The following ATRNL1 variants were observed in gnomAD, a reference collection of about 807,000 sequenced individuals.
The protein encoded by ATRNL1 is attractin like 1, also known as attractin-like protein 1.
Under a neutral mutation model 182.7 loss-of-function variants are expected in ATRNL1, and 95 were observed. The observed-to-expected ratio is 0.52, with a 90% CI of 0.44 to 0.62. The LOEUF is 0.62. Among genes scored for constraint, ATRNL1 ranks in the 20% least tolerant of loss-of-function variants. The pLI is 0.00. For synonymous variants in ATRNL1, 576 were observed against 568.3 expected, an observed-to-expected ratio of 1.01 and a Z score of -0.19; for missense variants, 1,471 against 1,679.5, an observed-to-expected ratio of 0.88 and a Z score of 2.17.
chr10:115,364,658 G>C (rs1221812382), intron 19 of ATRNL1, among the ~76,000 whole-genome samples: 18 of 151,126 alleles, frequency 1.2e-4, no homozygotes, highest in Middle Eastern at 3.4e-3. Context: ...CTGTGGGTTT[G>C]TCATAGATAG....
intron 10 of ATRNL1, among the ~76,000 whole-genome samples, chr10:115,260,918 A>G (rs1358496903): frequency 6.6e-6 from 1 of 152,114 alleles, no homozygotes; most frequent in Non-Finnish European, 1.5e-5. Flanking sequence ...TGAAAAAGCA[A>G]AGAACATAAC....
chr10:115,255,567 A>G (rs575007858), intron 10 of ATRNL1, among the ~76,000 whole-genome samples: 1 of 152,296 alleles, frequency 6.6e-6, no homozygotes, highest in East Asian at 1.9e-4. Flanking sequence ...TAAATATGCA[A>G]TCATGTCATC....
chr10:115,547,140 A>C (rs1852703765), intron 25 of ATRNL1, among the ~76,000 whole-genome samples: 1 of 151,860 alleles, frequency 6.6e-6, no homozygotes, highest in Non-Finnish European at 1.5e-5. Context: ...CTGTAATCCT[A>C]GCTACTCAGG....
intron 9 of ATRNL1, among the ~76,000 whole-genome samples, chr10:115,225,061 G>C (rs782231251): frequency 7.2e-5 from 11 of 152,000 alleles, no homozygotes; most frequent in Non-Finnish European, 1.3e-4. Flanking sequence ...ATATGAAAAG[G>C]ATGTTACAGG....
At chr10:115,462,340 G>A (rs113707384) in intron 22 of ATRNL1, among the ~76,000 whole-genome samples, 5,455 of 152,132 alleles carry the variant, frequency 0.036, 292 homozygotes, top group African/African-American at 0.12. Context: ...TCGTTCGGGC[G>A]CAGTGGCTCA....
intron 19 of ATRNL1, among the ~76,000 whole-genome samples, chr10:115,341,126 G>A (rs530232351): frequency 1.3e-5 from 2 of 151,752 alleles, no homozygotes; most frequent in South Asian, 4.2e-4. Flanking sequence ...ATTATTTGAA[G>A]CTTTTCCTCT....
chr10:115,529,957 G>A (rs117309371), intron 25 of ATRNL1, among the ~76,000 whole-genome samples: 3,682 of 152,092 alleles, frequency 0.024, 62 homozygotes, highest in Non-Finnish European at 0.036. Flanking sequence ...GCCTATTCTG[G>A]ACATCTTATA....
chr10:115,499,941 T>C (rs917913909), intron 24 of ATRNL1, among the ~76,000 whole-genome samples: 4 of 152,204 alleles, frequency 2.6e-5, no homozygotes, highest in Non-Finnish European at 4.4e-5. Flanking sequence ...AATAAGTTTC[T>C]GGTCTCAGGT....
chr10:115,883,992 A>G (rs1006880848), intron 28 of ATRNL1, among the ~76,000 whole-genome samples: 2 of 152,356 alleles, frequency 1.3e-5, no homozygotes, highest in East Asian at 1.9e-4. Flanking sequence ...TTCAGTAAGT[A>G]AAATTCCAGG....
At chr10:115,109,431 A>G (rs115106664) in intron 1 of ATRNL1, among the ~76,000 whole-genome samples, 2,785 of 152,272 alleles carry the variant, frequency 0.018, 102 homozygotes, top group African/African-American at 0.064. Flanking sequence ...CAGAAGAGCA[A>G]AGAGAGGGTG....
In ATRNL1 at chr10:115,281,380, A is replaced by C. The variant is rs782208001; in HGVS notation, c.2126A>C (p.His709Pro). Residue 709 changes from histidine to proline, a missense_variant, in exon 14 of 29, where the codon CAT (histidine) becomes CCT (proline). Physicochemically the swap from His to Pro is moderately conservative, Grantham distance 77 (BLOSUM62 -2). Transcript: ENST00000355044. ...SMSVKNYTKC[H>P]VRNEQICNKL... ...TCTGTCAAGAACTACACCAAATGTC[A>C]TGTGAGAAATGAGCAGATTTGTAAC... 9 of 1,612,974 alleles carry C rather than the reference A, an allele frequency of 5.6e-6. No homozygotes were observed. The African/African-American group carries it at 1.2e-4, about 22-fold the overall frequency.
Position 115,583,512 on chromosome 10 carries a change from A to G in ATRNL1, c.3795+33976A>G, listed in dbSNP as rs1433202762. Reference sequence around the variant, plus strand: ...TGGGTATTTTATTCTCTTTGAAGCAATTGTGAATGGGAGTTCACTCATGAT... The same window carrying G: ...TGGGTATTTTATTCTCTTTGAAGCAGTTGTGAATGGGAGTTCACTCATGAT... On this transcript the variant is annotated intron_variant, in intron 26 of 28. Coordinates refer to ENST00000355044, the MANE Select transcript of ATRNL1 (RefSeq NM_207303.4). 5.4e-5 allele frequency among the ~76,000 whole-genome samples: 6 copies of G among 111,308 alleles called. 1 individual carries two copies. Among genetic ancestry groups the G allele is most frequent in the Non-Finnish European group, 1.2e-4 (6 of 50,034 alleles). The allele number at this position is 111,308 out of a possible 152,430, so 73.0% of individuals were successfully genotyped here.
intron 19 of ATRNL1, among the ~76,000 whole-genome samples, chr10:115,357,795 A>C (rs1055436019): frequency 5.3e-5 from 8 of 151,656 alleles, no homozygotes; most frequent in Non-Finnish European, 1.0e-4. Flanking sequence ...AGGCAATTTA[A>C]AATTTTTAAC....
chr10:115,530,779 TC>T (rs1377812168), intron 25 of ATRNL1, among the ~76,000 whole-genome samples: 14 of 63,236 alleles, frequency 2.2e-4, no homozygotes, highest in Non-Finnish European at 3.4e-4. Flanking sequence ...CCCTCCCCCC[TC>T]CCCCCACCCC....
intron 28 of ATRNL1, among the ~76,000 whole-genome samples, chr10:115,921,277 A>G (rs1589697540): frequency 6.6e-6 from 1 of 152,174 alleles, no homozygotes; most frequent in African/African-American, 2.4e-5. Context: ...AAGAGAAAAA[A>G]ATAATTATAG....
intron 21 of ATRNL1, among the ~76,000 whole-genome samples, chr10:115,436,582 C>T (rs1379799839): frequency 6.6e-6 from 1 of 152,006 alleles, no homozygotes; most frequent in Non-Finnish European, 1.5e-5. Flanking sequence ...TAATAATTTT[C>T]AGCATGGATA....
intron 19 of ATRNL1, among the ~76,000 whole-genome samples, chr10:115,338,406 C>T (rs1416600851): frequency 1.3e-5 from 2 of 152,118 alleles, no homozygotes; most frequent in Non-Finnish European, 2.9e-5. Context: ...TTTGTTATTG[C>T]CTGTCTTTGG....
In ATRNL1 at chr10:115,129,307, A is replaced by G; in HGVS notation, c.621-20A>G. On this transcript the variant is annotated intron_variant, in intron 4 of 28. Transcript: ENST00000355044. The stretch of plus-strand genomic sequence containing the variant: ...TTTCAATTACCTTGAATCTGAATAT[A>G]TATGAATTATATTTTACAGAATCAA... 1.3e-6 allele frequency: 2 copies of G among 1,583,446 alleles called. No homozygotes were observed. The highest frequency in any genetic ancestry group is 1.3e-5 in the African/African-American group (1 of 74,208).
At chr10:115,871,608 C>G (rs1288683172) in intron 28 of ATRNL1, among the ~76,000 whole-genome samples, 5 of 151,464 alleles carry the variant, frequency 3.3e-5, no homozygotes, top group African/African-American at 1.2e-4. Flanking sequence ...CTCAAAGAAG[C>G]AGGAACTGCT....
Sources: gnomAD v4.1 joint callset for allele counts (sites outside exome capture counted in the v4.1 genomes callset) on GRCh38, gnomAD v4.1.1 for gene constraint, MANE v1.5 for transcripts, NCBI Gene and HGNC (gene_info 2026-07-23, HGNC 2026-07-21) for gene names.